RWDD2B: variants seen among roughly 807,000 people sequenced by gnomAD.
RWDD2B encodes RWD domain-containing protein 2B.
Under a neutral mutation model 33.6 loss-of-function variants are expected in RWDD2B, and 36 were observed. The observed-to-expected ratio is 1.07, with a 90% CI of 0.82 to 1.42. The LOEUF (loss-of-function observed/expected upper bound fraction) is 1.42, where lower values mean the gene tolerates loss of function less well. Ranked by LOEUF, RWDD2B falls within the 40% of genes most tolerant of loss-of-function variation. RWDD2B has a pLI of 0.00. For synonymous variants in RWDD2B, 126 were observed against 133.1 expected (o/e 0.95, Z 0.37); for missense variants, 364 against 377.5 (o/e 0.96, Z 0.30).
chr21:29,015,129 T>C (rs553006428), intron 1 of RWDD2B, among the ~76,000 whole-genome samples: 9 of 152,094 alleles, frequency 5.9e-5, no homozygotes, highest in Non-Finnish European at 1.3e-4. Context: ...ATCACTCTCA[T>C]TTGAATTGTT....
intron 1 of RWDD2B, among the ~76,000 whole-genome samples, chr21:29,012,576 A>G (rs1236110927): frequency 6.6e-6 from 1 of 151,768 alleles, no homozygotes; most frequent in African/African-American, 2.4e-5. Context: ...TGAAGGCAGC[A>G]TGCTCCTTAA....
rs1353818396 is a variant in RWDD2B at position 29,007,760 on chromosome 21, C to G, written c.725+1G>C. 1 of 1,611,098 alleles carries G rather than the reference C, an allele frequency of 6.2e-7. No individual in the cohort carries two copies. The stretch of plus-strand genomic sequence containing the variant: ...CTTCATATACATATGTAAAAGCAAA[C>G]CTTGACCAGAATTCTTCACAGGCAC... On this transcript the variant is annotated splice_donor_variant, in intron 4 of 4. Coordinates refer to ENST00000493196, the MANE Select transcript of RWDD2B (RefSeq NM_016940.3). LOFTEE classifies it high-confidence loss of function.
At position 29,006,534 on chromosome 21, in the gene RWDD2B, CACTTTTTCTT is replaced by C. The variant is rs1163700323; in HGVS notation, c.833_842del (p.Glu278GlyfsTer21). On this transcript the variant is annotated frameshift_variant, in exon 5 of 5. Transcript: ENST00000493196. LOFTEE classifies it high-confidence loss of function. ...TTCCCCTGGCTCCATTAACACTGAA[CACTTTTTCTT>C]CAAAAATGGAAAATTTCCTTTGTCT... is the stretch of plus-strand genomic sequence containing the variant. The C allele has an allele frequency of 6.2e-7, 1 of 1,613,608 alleles. No individual in the cohort carries two copies. Among genetic ancestry groups the C allele is most frequent in the East Asian group, 2.2e-5 (1 of 44,878 alleles).
chr21:29,010,579 C>T (rs1047747679), intron 1 of RWDD2B, among the ~76,000 whole-genome samples: 1 of 133,500 alleles, frequency 7.5e-6, no homozygotes, highest in African/African-American at 2.9e-5. Context: ...TGCACTCCAG[C>T]CTGGGCAAAA....
In RWDD2B at chr21:29,008,257, C is replaced by T; in HGVS notation, c.345G>A (p.Leu115=). ...TAACGTACCTGACAGTAATTTCAGG[C>T]AGAACTGCCGGGTATTTAAAGGGAA... is the stretch of plus-strand genomic sequence containing the variant. ...CILPFKYPAV[L]PEITVRSVLL... is the part of the protein sequence containing the mutation. The change falls in exon 3 of 5, where the codon CTG becomes CTA. Residue 115 remains leucine, a synonymous_variant. Transcript: ENST00000493196. 6.2e-7 allele frequency: 1 copy of T among 1,614,184 alleles called. No homozygotes were observed. Among genetic ancestry groups the T allele is most frequent in the Non-Finnish European group, 8.5e-7 (1 of 1,180,004 alleles).
chr21:29,008,180 T>C (rs2084838686), intron 3 of RWDD2B, 57 bp from the exon 4 acceptor site: 1 of 1,607,636 alleles, frequency 6.2e-7, no homozygotes, highest in African/African-American at 1.3e-5. Context: ...AATTCGAGAA[T>C]TGCTTTTATT....
rs767437756 is a variant in RWDD2B, at chr21:29,008,598, T to C, written c.91A>G (p.Ile31Val). The change falls in exon 2 of 5, where the codon ATT becomes GTT. Residue 31 changes from isoleucine to valine, a missense_variant. By Grantham distance (29) the Ile-to-Val change is conservative. Coordinates refer to ENST00000493196, the MANE Select transcript of RWDD2B (RefSeq NM_016940.3). The part of the protein sequence containing the change: ...AQETYTCPKM[I>V]EMEQAEAQLA... ...TGGGCCTCCGCCTGCTCCATCTCAA[T>C]CATTTTTGGACATGTGTAAGTTTCT... is the stretch of plus-strand genomic sequence containing the variant. 6.2e-7 allele frequency: 1 copy of C among 1,613,224 alleles called. No homozygotes were observed. The highest frequency in any genetic ancestry group is 8.5e-7 in the Non-Finnish European group (1 of 1,179,892).
chr21:29,005,130 C>T lies in RWDD2B; in HGVS notation c.*1287G>A, dbSNP rs1384297765. On this transcript the variant is annotated 3_prime_UTR_variant, in exon 5 of 5. Coordinates refer to ENST00000493196, the MANE Select transcript of RWDD2B (RefSeq NM_016940.3). ...TTTATTTAATGCTAGGTCAATTTGG[C>T]AAAAATAAATGTACAGAAAGCCATT... 6.6e-6 allele frequency: 1 copy of T among 152,128 alleles called. No homozygotes were observed. The highest frequency in any genetic ancestry group is 6.5e-5 in the Admixed American group (1 of 15,270). 9.4% of individuals were successfully genotyped at this position (152,128 alleles called of 1,614,324 possible).
Position 29,008,295 on chromosome 21 carries a change from G to A in RWDD2B, c.307C>T (p.Leu103=). 1.2e-6 allele frequency: 2 copies of A among 1,614,164 alleles called. No individual in the cohort carries two copies. Among genetic ancestry groups the A allele is most frequent in the African/African-American group, 1.3e-5 (1 of 75,052 alleles). ...TATTTAAAGGGAAGAATACAGGCCA[G>A]AGAAAACATCGCCTGATTAAAGAGA... The part of the protein sequence containing the change: ...VSDEKMAMFS[L]ACILPFKYPA... The change falls in exon 3 of 5, where the codon CTG becomes TTG. Residue 103 remains leucine (L), a synonymous_variant. Transcript: ENST00000493196.
rs543261293 is a variant in RWDD2B, at chr21:29,009,116, C to T, written c.68-495G>A. ...TTATTAGGTTTTTTTGAGACAGGGT[C>T]TAGCTCTGTCACCACAGCTGGAGTG... is the stretch of plus-strand genomic sequence containing the variant. On this transcript the variant is annotated intron_variant, in intron 1 of 4. Transcript: ENST00000493196. Among the ~76,000 whole-genome samples, 5 of 152,318 alleles carry T rather than the reference C, an allele frequency of 3.3e-5. No individual in the cohort carries two copies. The South Asian group carries it at 1.0e-3, about 32-fold the overall frequency.
chr21:29,011,643 G>T (rs1161316617), intron 1 of RWDD2B, among the ~76,000 whole-genome samples: 9 of 143,562 alleles, frequency 6.3e-5, no homozygotes, highest in Non-Finnish European at 3.1e-5. Flanking sequence ...GAGGTGGGGG[G>T]GTCAGCCCCC....
chr21:29,014,068 G>A (rs1041701955), intron 1 of RWDD2B, among the ~76,000 whole-genome samples: 1 of 152,178 alleles, frequency 6.6e-6, no homozygotes, highest in East Asian at 1.9e-4. Flanking sequence ...GGTAGTTTAC[G>A]ATGAAGAGAA....
chr21:29,018,788 C>A (rs2146343247), intron 1 of RWDD2B, among the ~76,000 whole-genome samples: 1 of 152,278 alleles, frequency 6.6e-6, no homozygotes, highest in Non-Finnish European at 1.5e-5. Context: ...CCCAGGAGTT[C>A]AAGATCAGCC....
At chr21:29,009,368 A>C (rs2146335747) in intron 1 of RWDD2B, among the ~76,000 whole-genome samples, 1 of 149,416 alleles carries the variant, frequency 6.7e-6, no homozygotes, top group East Asian at 1.9e-4. Flanking sequence ...TACAGGTATG[A>C]GCCACTGTGC....
In RWDD2B at chr21:29,009,248, C is replaced by T. The variant is rs566190152; in HGVS notation, c.68-627G>A. Among the ~76,000 whole-genome samples, 241 of 152,188 alleles carry T rather than the reference C, an allele frequency of 1.6e-3. 1 individual carries two copies. The highest frequency in any genetic ancestry group is 2.6e-3 in the Non-Finnish European group (176 of 68,014). ...GACCACAGGTATGCACTGCCACGCCCGGCTTCATTTTTTATTTGTAGAAAC... is the reference window on the plus strand; with the variant it reads ...GACCACAGGTATGCACTGCCACGCCTGGCTTCATTTTTTATTTGTAGAAAC... On this transcript the variant is annotated intron_variant, in intron 1 of 4. Transcript: ENST00000493196.
intron 1 of RWDD2B, among the ~76,000 whole-genome samples, chr21:29,011,306 A>C (rs1195478772): frequency 7.8e-6 from 1 of 128,650 alleles, no homozygotes; most frequent in Admixed American, 7.9e-5. Context: ...TGTGGGGAGC[A>C]CCTCTGCCCT....
rs1260809281 is a variant in RWDD2B, at chr21:29,012,071, T to A, written c.68-3450A>T. Reference sequence around the variant, plus strand: ...CTGCCCGGCCGCCCCTACTGGGAAGTGAGGAGCCCCTCTGCCCGGCCAGCC... The same window carrying A: ...CTGCCCGGCCGCCCCTACTGGGAAGAGAGGAGCCCCTCTGCCCGGCCAGCC... On this transcript the variant is annotated intron_variant, in intron 1 of 4. Coordinates refer to ENST00000493196, the MANE Select transcript of RWDD2B (RefSeq NM_016940.3). Among the ~76,000 whole-genome samples, 239 of 128,878 alleles carry A rather than the reference T, an allele frequency of 1.9e-3. 1 individual carries two copies. The highest frequency in any genetic ancestry group is 6.5e-3 in the African/African-American group (217 of 33,542). The allele number at this position is 128,878 out of a possible 152,430, so 84.5% of individuals were successfully genotyped here.
intron 1 of RWDD2B, among the ~76,000 whole-genome samples, chr21:29,010,335 G>A (rs1327835610): frequency 2.0e-5 from 3 of 151,526 alleles, no homozygotes; most frequent in Non-Finnish European, 2.9e-5. Flanking sequence ...GGCCTAGCAC[G>A]GTGGCTCACA....
intron 1 of RWDD2B, among the ~76,000 whole-genome samples, chr21:29,010,627 A>C (rs1320986325): frequency 7.1e-6 from 1 of 141,740 alleles, no homozygotes; most frequent in Non-Finnish European, 1.5e-5. Flanking sequence ...AAATAAAAAA[A>C]AAAAACCAAA....
Sources: gnomAD v4.1 joint callset for allele counts (sites outside exome capture counted in the v4.1 genomes callset) on GRCh38, gnomAD v4.1.1 for gene constraint, MANE v1.5 for transcripts, NCBI Gene and HGNC (gene_info 2026-07-23, HGNC 2026-07-21) for gene names.